The following STARD13 variants were observed in gnomAD, a reference collection of about 807,000 sequenced individuals.
STARD13 encodes StAR related lipid transfer domain containing 13.
In STARD13, 62 loss-of-function variants were observed where a neutral mutation model predicts 106.4. The observed-to-expected ratio is 0.58, with a 90% CI of 0.48 to 0.72. STARD13 has a LOEUF of 0.72. Ranked by LOEUF, STARD13 falls within the 30% of genes least tolerant of loss-of-function variation. STARD13 has a pLI of 0.00. For missense variants in STARD13, 1,387 were observed against 1,424.0 expected (o/e 0.97, Z 0.42); for synonymous variants, 565 against 553.0 (o/e 1.02, Z -0.31).
At chr13:33,550,012 A>G in the STARD13 span, among the ~76,000 whole-genome samples, 1 of 152,154 alleles carries the variant, frequency 6.6e-6, no homozygotes, top group Non-Finnish European at 1.5e-5. Context: ...AACTTTTTAT[A>G]TTTATTCTTT....
chr13:33,325,964 G>A (rs533070727), intron 1 of STARD13, among the ~76,000 whole-genome samples: 145 of 124,018 alleles, frequency 1.2e-3, no homozygotes, highest in African/African-American at 4.3e-3. Context: ...CAGCCTGGGC[G>A]ACAGAGCGAG....
At chr13:33,361,136 T>A in the STARD13 span, among the ~76,000 whole-genome samples, 1 of 150,152 alleles carries the variant, frequency 6.7e-6, no homozygotes, top group Non-Finnish European at 1.5e-5. Flanking sequence ...TTACACTGAG[T>A]GTGCCTGCCT....
At chr13:33,299,845 G>A (rs1892643670) in intron 1 of STARD13, among the ~76,000 whole-genome samples, 1 of 152,144 alleles carries the variant, frequency 6.6e-6, no homozygotes, top group Admixed American at 6.5e-5. Context: ...TCGTAATAAA[G>A]CTTAAGATTT....
the STARD13 span, among the ~76,000 whole-genome samples, chr13:33,404,188 G>A: frequency 8.7e-3 from 1,326 of 152,292 alleles, 11 homozygotes; most frequent in Middle Eastern, 0.014. Context: ...ACAGATGAAG[G>A]AACTATATGG....
At chr13:33,595,021 A>G in the STARD13 span, among the ~76,000 whole-genome samples, 1 of 152,230 alleles carries the variant, frequency 6.6e-6, no homozygotes, top group Non-Finnish European at 1.5e-5. Context: ...ATATATATCA[A>G]AAAGTGGAAT....
the STARD13 span, among the ~76,000 whole-genome samples, chr13:33,672,784 C>T: frequency 6.6e-6 from 1 of 152,146 alleles, no homozygotes; most frequent in Non-Finnish European, 1.5e-5. Context: ...TCACGTTGAC[C>T]AATTTGCTTT....
At chr13:33,573,015 A>G in the STARD13 span, among the ~76,000 whole-genome samples, 2 of 152,182 alleles carry the variant, frequency 1.3e-5, no homozygotes, top group Non-Finnish European at 2.9e-5. Flanking sequence ...CTACTTTATT[A>G]TAACAATTAA....
At chr13:33,591,019 A>G in the STARD13 span, among the ~76,000 whole-genome samples, 17 of 152,276 alleles carry the variant, frequency 1.1e-4, no homozygotes, top group Admixed American at 2.6e-4. Context: ...AACATATGCA[A>G]CTGTTATATT....
At chr13:33,666,897 G>A in the STARD13 span, among the ~76,000 whole-genome samples, 1 of 152,144 alleles carries the variant, frequency 6.6e-6, no homozygotes, top group Non-Finnish European at 1.5e-5. Flanking sequence ...AGCCTAAAAT[G>A]TATTATTAAC....
intron 3 of STARD13, among the ~76,000 whole-genome samples, chr13:33,156,839 T>G (rs1882043723): frequency 6.6e-6 from 1 of 152,220 alleles, no homozygotes; most frequent in Non-Finnish European, 1.5e-5. Context: ...AATGATTTAT[T>G]GGGATCTGTA....
intron 1 of STARD13, among the ~76,000 whole-genome samples, chr13:33,333,253 G>A (rs972689927): frequency 2.6e-5 from 4 of 152,002 alleles, no homozygotes; most frequent in African/African-American, 9.7e-5. Flanking sequence ...AGCTGGGCTT[G>A]GTGGCGGGCA....
chr13:33,293,606 T>A (rs1411449036), intron 1 of STARD13, among the ~76,000 whole-genome samples: 1 of 152,154 alleles, frequency 6.6e-6, no homozygotes, highest in Non-Finnish European at 1.5e-5. Context: ...TGATCCTGGG[T>A]GTGTCTGCAA....
chr13:33,408,739 A>G, the STARD13 span, among the ~76,000 whole-genome samples: 2 of 151,618 alleles, frequency 1.3e-5, no homozygotes, highest in Admixed American at 6.6e-5. Context: ...ATCCCAATCC[A>G]TTTCCTCTCT....
At chr13:33,347,569 G>C (rs1312629063), downstream of STARD13, among the ~76,000 whole-genome samples, 1 of 152,148 alleles carries the variant, frequency 6.6e-6, no homozygotes, top group Non-Finnish European at 1.5e-5. Context: ...CCTTTTAGAT[G>C]TGTTTAGAGA....
At chr13:33,566,190 C>G in the STARD13 span, among the ~76,000 whole-genome samples, 1 of 148,310 alleles carries the variant, frequency 6.7e-6, no homozygotes, top group Non-Finnish European at 1.5e-5. Context: ...TGGAGAGAGG[C>G]CACATTCACA....
the STARD13 span, among the ~76,000 whole-genome samples, chr13:33,436,437 C>T: frequency 6.6e-6 from 1 of 152,076 alleles, no homozygotes; most frequent in Non-Finnish European, 1.5e-5. Context: ...AATTAAAAAG[C>T]AAATTAAGTC....
chr13:33,670,639 A>T, the STARD13 span, among the ~76,000 whole-genome samples: 1 of 152,196 alleles, frequency 6.6e-6, no homozygotes, highest in South Asian at 2.1e-4. Flanking sequence ...TTTTGGCGTT[A>T]TATTCAGAAA....
chr13:33,625,709 CCT>C, the STARD13 span, among the ~76,000 whole-genome samples: 18,318 of 151,812 alleles, frequency 0.12, 2,783 homozygotes, highest in African/African-American at 0.36. Flanking sequence ...CTAATGGTAC[CCT>C]TTTTTTTTTG....
the STARD13 span, among the ~76,000 whole-genome samples, chr13:33,670,943 A>G: frequency 1.3e-5 from 2 of 152,238 alleles, no homozygotes; most frequent in Non-Finnish European, 2.9e-5. Flanking sequence ...TAATTTGCCC[A>G]AATTCAATTT....
Sources: gnomAD v4.1 joint callset for allele counts (sites outside exome capture counted in the v4.1 genomes callset) on GRCh38, gnomAD v4.1.1 for gene constraint, MANE v1.5 for transcripts, NCBI Gene and HGNC (gene_info 2026-07-23, HGNC 2026-07-21) for gene names.